Variants in QTMAN observed in about 807,000 individuals in gnomAD.
QTMAN encodes the protein tRNA-queuosine alpha-mannosyltransferase.
chr2:144,191,166 A>C, the QTMAN span, among the ~76,000 whole-genome samples: 1 of 152,214 alleles, frequency 6.6e-6, no homozygotes, highest in South Asian at 2.1e-4. Context: ...CCTATTTGTC[A>C]CTTTAAATTC....
chr2:144,033,415 G>C, the QTMAN span, among the ~76,000 whole-genome samples: 1 of 152,132 alleles, frequency 6.6e-6, no homozygotes, highest in African/African-American at 2.4e-5. Context: ...TACATCTCAG[G>C]AACAGTCCAA....
At chr2:144,187,718 TG>T in the QTMAN span, among the ~76,000 whole-genome samples, 49 of 152,224 alleles carry the variant, frequency 3.2e-4, no homozygotes, top group South Asian at 6.2e-4. Flanking sequence ...GCACAGAAAA[TG>T]ACAGGCATAT....
the QTMAN span, among the ~76,000 whole-genome samples, chr2:144,069,441 A>C: frequency 1.3e-5 from 2 of 152,120 alleles, no homozygotes; most frequent in South Asian, 4.1e-4. Flanking sequence ...TTGAAAAAGA[A>C]ATAGTGTGAC....
At chr2:144,284,085 G>A in the QTMAN span, among the ~76,000 whole-genome samples, 1 of 151,978 alleles carries the variant, frequency 6.6e-6, no homozygotes, top group Admixed American at 6.5e-5. Flanking sequence ...ACTTTTAACT[G>A]TCAAATTAGG....
chr2:144,141,588 CAAA>C, the QTMAN span, among the ~76,000 whole-genome samples: 2 of 81,714 alleles, frequency 2.4e-5, no homozygotes, highest in Non-Finnish European at 5.3e-5. Context: ...ACTTCTGTAA[CAAA>C]AAAAAAAAAA....
chr2:144,129,152 C>T, the QTMAN span, among the ~76,000 whole-genome samples: 6 of 151,784 alleles, frequency 4.0e-5, no homozygotes, highest in Non-Finnish European at 8.8e-5. Context: ...TTTGAATAGA[C>T]CCATCTTTTA....
chr2:144,211,783 C>G, the QTMAN span, among the ~76,000 whole-genome samples: 1 of 152,024 alleles, frequency 6.6e-6, no homozygotes, highest in African/African-American at 2.4e-5. Context: ...CACTTCACTG[C>G]TATGGTGGAA....
At chr2:144,061,933 G>A in the QTMAN span, among the ~76,000 whole-genome samples, 1 of 152,076 alleles carries the variant, frequency 6.6e-6, no homozygotes, top group South Asian at 2.1e-4. Context: ...CCGAACTCCA[G>A]GGGAAGATTA....
chr2:144,108,878 A>G, the QTMAN span, among the ~76,000 whole-genome samples: 4 of 152,116 alleles, frequency 2.6e-5, no homozygotes, highest in African/African-American at 9.7e-5. Flanking sequence ...CCTCTTCAAG[A>G]AAAACTACAA....
chr2:144,222,908 AAG>A, the QTMAN span, among the ~76,000 whole-genome samples: 1 of 152,190 alleles, frequency 6.6e-6, no homozygotes, highest in Non-Finnish European at 1.5e-5. Context: ...AGTCAACTAA[AAG>A]AGAGAGAGAT....
At chr2:144,294,229 C>T in the QTMAN span, 7 of 152,098 alleles carry the variant, frequency 4.6e-5, no homozygotes, top group Non-Finnish European at 7.3e-5. Flanking sequence ...TCCTATCAAC[C>T]AGAAGTGTTC....
At chr2:144,057,901 ACTC>A in the QTMAN span, among the ~76,000 whole-genome samples, 1 of 151,384 alleles carries the variant, frequency 6.6e-6, no homozygotes, top group South Asian at 2.1e-4. Flanking sequence ...CTGGCCTTGA[ACTC>A]CTGGGCTCAA....
chr2:143,940,381 A>G, the QTMAN span: 1 of 152,240 alleles, frequency 6.6e-6, no homozygotes, highest in Non-Finnish European at 1.5e-5. Context: ...CTTGATTATC[A>G]GTTTTCAAAA....
the QTMAN span, among the ~76,000 whole-genome samples, chr2:144,138,676 A>C: frequency 1.3e-5 from 2 of 152,036 alleles, no homozygotes; most frequent in Non-Finnish European, 2.9e-5. Context: ...CACCCAGAAG[A>C]AGCACATAAT....
At chr2:144,306,157 C>T in the QTMAN span, among the ~76,000 whole-genome samples, 1 of 152,172 alleles carries the variant, frequency 6.6e-6, no homozygotes, top group Admixed American at 6.5e-5. Context: ...TACATAGATG[C>T]CCTTTCCCAT....
chr2:144,071,215 C>G, the QTMAN span, among the ~76,000 whole-genome samples: 3 of 147,668 alleles, frequency 2.0e-5, no homozygotes, highest in Non-Finnish European at 3.0e-5. Context: ...TTTTCTTACT[C>G]CATTGGAATA....
chr2:143,974,500 TA>T, the QTMAN span, among the ~76,000 whole-genome samples: 3 of 152,136 alleles, frequency 2.0e-5, no homozygotes, highest in Non-Finnish European at 4.4e-5. Context: ...ATGCAGCCAT[TA>T]AAAAAATGTT....
At chr2:143,966,116 A>T in the QTMAN span, among the ~76,000 whole-genome samples, 1 of 152,160 alleles carries the variant, frequency 6.6e-6, no homozygotes, top group East Asian at 1.9e-4. Context: ...TCTTACCTGT[A>T]AAACAGGGAT....
the QTMAN span, among the ~76,000 whole-genome samples, chr2:144,058,885 C>T: frequency 6.6e-6 from 1 of 152,182 alleles, no homozygotes; most frequent in Non-Finnish European, 1.5e-5. Flanking sequence ...GTCCTTGTCC[C>T]TTTAGCTCAT....
Sources: gnomAD v4.1 joint callset for allele counts (sites outside exome capture counted in the v4.1 genomes callset) on GRCh38, gnomAD v4.1.1 for gene constraint, MANE v1.5 for transcripts, NCBI Gene and HGNC (gene_info 2026-07-23, HGNC 2026-07-21) for gene names.